CPXM2: variants seen among roughly 807,000 people sequenced by gnomAD.
CPXM2 encodes the protein inactive carboxypeptidase-like protein X2.
Under a neutral mutation model 86.1 loss-of-function variants are expected in CPXM2, and 66 were observed. The observed-to-expected ratio is 0.77, with a 90% CI of 0.63 to 0.94. The LOEUF is 0.94. Ranked by LOEUF, CPXM2 falls within the 40% of genes least tolerant of loss-of-function variation. The pLI, the probability that CPXM2 is intolerant of heterozygous loss-of-function variation, is 0.00. For synonymous variants in CPXM2, 388 were observed against 400.2 expected (o/e 0.97, Z 0.36); for missense variants, 948 against 1,026.3 (o/e 0.92, Z 1.04).
At chr10:123,854,468 T>C (rs1200861365) in intron 3 of CPXM2, among the ~76,000 whole-genome samples, 4 of 132,742 alleles carry the variant, frequency 3.0e-5, no homozygotes, top group Admixed American at 8.4e-5. Context: ...ATAATATATA[T>C]TTTATATATA....
intron 2 of CPXM2, among the ~76,000 whole-genome samples, chr10:123,915,371 A>C (rs1485441842): frequency 6.6e-6 from 1 of 152,158 alleles, no homozygotes; most frequent in East Asian, 1.9e-4. Context: ...CAGACTGGCC[A>C]ACATGGCGAA....
chr10:123,822,327 T>TC lies in CPXM2; in HGVS notation c.653+20021_653+20022insG, dbSNP rs1847943523. On this transcript the variant is annotated intron_variant, in intron 4 of 13. Transcript: ENST00000241305. ...ATAAGCCACTCTTTCTCTTCACCCT[T>TC]GCACCAAATACTTGTCAATACCAGG... 3.9e-5 allele frequency among the ~76,000 whole-genome samples: 6 copies of TC among 152,226 alleles called. No homozygotes were observed. In the South Asian group the frequency reaches 8.3e-4, roughly 21 times the overall value.
Position 123,762,029 on chromosome 10 carries a change from G to A in CPXM2, c.1620C>T (p.Thr540=). 6.2e-7 allele frequency: 1 copy of A among 1,613,902 alleles called. No individual in the cohort carries two copies. Among genetic ancestry groups the A allele is most frequent in the Non-Finnish European group, 8.5e-7 (1 of 1,179,898 alleles). Residue 540 remains threonine (T), a synonymous_variant, in exon 11 of 14, where the codon ACC becomes ACT. Coordinates refer to ENST00000241305, the MANE Select transcript of CPXM2 (RefSeq NM_198148.3). ...VRSPWKTQEH[T]PTPDDHVFRW... ...GGAACACGTGGTCGTCGGGGGTGGG[G>A]GTGTGTTCCTGCGTCTTCCAGGGGG...
intron 1 of CPXM2, among the ~76,000 whole-genome samples, chr10:123,939,924 A>C (rs922033190): frequency 6.6e-6 from 1 of 152,202 alleles, no homozygotes; most frequent in Non-Finnish European, 1.5e-5. Flanking sequence ...GCTAGCACGT[A>C]CTTCCTGTCC....
At chr10:123,881,245 T>TCCCCTCCCCTC (rs1945086621) in intron 1 of CPXM2, among the ~76,000 whole-genome samples, 6 of 51,534 alleles carry the variant, frequency 1.2e-4, no homozygotes, top group South Asian at 4.7e-4. Flanking sequence ...TCCCTTCCCT[T>TCCCCTCCCCTC]CCCTTCCCTT....
chr10:123,922,186 T>C (rs963743163), intron 2 of CPXM2, among the ~76,000 whole-genome samples: 3 of 152,124 alleles, frequency 2.0e-5, no homozygotes, highest in Non-Finnish European at 4.4e-5. Flanking sequence ...CAATCAAATA[T>C]GTCTCCAGAC....
chr10:123,790,354 G>A lies in CPXM2; in HGVS notation c.889+7622C>T, dbSNP rs56353445. On this transcript the variant is annotated intron_variant, in intron 6 of 13. Coordinates refer to ENST00000241305, the MANE Select transcript of CPXM2 (RefSeq NM_198148.3). ...GAAGACAGAGCAGGTGACCAGGGGT[G>A]ACTCAGGATGGAGCAGGTGACTAGG... Among the ~76,000 whole-genome samples the A allele has an allele frequency of 8.9e-3, 1,286 of 144,310 alleles. 86 individuals carry two copies. Among genetic ancestry groups the A allele is most frequent in the South Asian group, 0.027 (116 of 4,330 alleles). The allele number at this position is 144,310 out of a possible 152,430, so 94.7% of individuals were successfully genotyped here. A position where few individuals can be genotyped will look rare whatever the true frequency, so the allele number is the denominator to read the frequency against.
intron 4 of CPXM2, among the ~76,000 whole-genome samples, chr10:123,829,584 T>C (rs7089866): frequency 0.27 from 41,710 of 151,954 alleles, 7,750 homozygotes; most frequent in African/African-American, 0.53. Flanking sequence ...ATCTCAGATA[T>C]GCCAATTCTC....
intron 4 of CPXM2, among the ~76,000 whole-genome samples, chr10:123,827,379 C>T (rs1010613522): frequency 2.0e-5 from 3 of 152,160 alleles, no homozygotes; most frequent in East Asian, 1.9e-4. Context: ...AAAAGTAAAC[C>T]TTTACCATAC....
At chr10:123,760,682 G>C (rs1466295662) in intron 11 of CPXM2, among the ~76,000 whole-genome samples, 1 of 152,114 alleles carries the variant, frequency 6.6e-6, no homozygotes, top group Non-Finnish European at 1.5e-5. Context: ...CAGGGGATGG[G>C]AACTTATCAC....
rs1172009212 is a variant in CPXM2, at chr10:123,747,014, T to G, written c.2021A>C (p.Asn674Thr). 1 of 1,613,402 alleles carries G rather than the reference T, an allele frequency of 6.2e-7. No homozygotes were observed. Residue 674 changes from asparagine (N) to threonine (T), a missense_variant, in exon 14 of 14, where the codon AAC becomes ACC. Asn to Thr is a moderately conservative substitution (Grantham distance 65, BLOSUM62 0). Coordinates refer to ENST00000241305, the MANE Select transcript of CPXM2 (RefSeq NM_198148.3). ...CAGGAGGCGCCAGTAATCCCCATCG[T>G]TGGCTGTGAAAAAGAAAACCAGGGG... The part of the protein sequence containing the change: ...EGINHDIRTA[N>T]DGDYWRLLNP...
At chr10:123,911,478 G>A (rs1018402879) in intron 2 of CPXM2, among the ~76,000 whole-genome samples, 7 of 151,742 alleles carry the variant, frequency 4.6e-5, no homozygotes, top group Non-Finnish European at 7.4e-5. Flanking sequence ...GGCTGAATAC[G>A]ATTAGGTTGG....
rs146359820 is a variant in CPXM2, at chr10:123,759,105, T to A, written c.1778-1753A>T. On this transcript the variant is annotated intron_variant, in intron 11 of 13. Coordinates refer to ENST00000241305, the MANE Select transcript of CPXM2 (RefSeq NM_198148.3). Reference sequence around the variant, plus strand: ...GTGAGCGTGTTTGCAGTGAGAGCAGTGGAATAAAAAGGGTGGGACAGAGCC... The same window carrying A: ...GTGAGCGTGTTTGCAGTGAGAGCAGAGGAATAAAAAGGGTGGGACAGAGCC... Among the ~76,000 whole-genome samples the A allele has an allele frequency of 8.9e-4, 136 of 152,092 alleles. 1 individual carries two copies. In the East Asian group the frequency reaches 0.02, roughly 22 times the overall value.
upstream of CPXM2, among the ~76,000 whole-genome samples, chr10:123,940,473 C>T (rs76961499): frequency 0.031 from 4,787 of 152,280 alleles, 122 homozygotes; most frequent in Non-Finnish European, 0.049. Context: ...GGCAAGGGAG[C>T]GCCCAAGCCT....
chr10:123,876,393 G>A lies in CPXM2; in HGVS notation c.403+3818C>T, dbSNP rs75945839. Among the ~76,000 whole-genome samples the A allele has an allele frequency of 1.0e-3, 158 of 152,212 alleles. 3 individuals carry two copies. In the East Asian group the frequency reaches 0.026, roughly 25 times the overall value. ...CACAGGCTTTCAGAACCAAAGAACC[G>A]TGCACGGGAATCACTGTGATATGAG... On this transcript the variant is annotated intron_variant, in intron 2 of 13. Transcript: ENST00000241305.
intron 3 of CPXM2, among the ~76,000 whole-genome samples, chr10:123,853,812 C>T (rs912472731): frequency 4.6e-5 from 7 of 152,008 alleles, no homozygotes; most frequent in Admixed American, 3.9e-4. Flanking sequence ...GGCTGAGGTG[C>T]AAGAATCACT....
chr10:123,891,278 TG>T lies in CPXM2; in HGVS notation c.304+77del, dbSNP rs1345895910. On this transcript the variant is annotated intron_variant, in intron 1 of 13. Transcript: ENST00000241305. This position sits in a 1 kb window ranked among gnomAD's most constrained non-coding sequence, Gnocchi z 5.6. ...ACTGGCCCATCCCAGACACACACAA[TG>T]GGAGAAGCCAGTTGTCCCCTGGAGG... is the stretch of plus-strand genomic sequence containing the variant. The T allele has an allele frequency of 4.9e-6, 6 of 1,225,646 alleles. No homozygotes were observed. Among genetic ancestry groups the T allele is most frequent in the Non-Finnish European group, 6.7e-6 (6 of 901,378 alleles). The allele number at this position is 1,225,646 out of a possible 1,614,324, so 75.9% of individuals were successfully genotyped here.
intron 4 of CPXM2, among the ~76,000 whole-genome samples, chr10:123,809,317 AG>A (rs1255215528): frequency 6.6e-6 from 1 of 152,186 alleles, no homozygotes; most frequent in African/African-American, 2.4e-5. Context: ...AAGAAAAAAT[AG>A]GGTATGCTAA....
In CPXM2 at chr10:123,768,567, G is replaced by C; in HGVS notation, c.1258C>G (p.Pro420Ala). The part of the protein sequence containing the change: ...LVEETRIHVL[P>A]SLNPDGYEKA... ...TCGTAGCCATCGGGGTTGAGGGAGG[G>C]GAGGACGTGAATCCGCGTCTCCTCC... is the stretch of plus-strand genomic sequence containing the variant. Residue 420 changes from proline (P) to alanine (A), a missense_variant, in exon 9 of 14, where the codon CCC becomes GCC. Pro to Ala is a conservative substitution (Grantham distance 27, BLOSUM62 -1). Transcript: ENST00000241305. 6.2e-7 allele frequency: 1 copy of C among 1,613,928 alleles called. No individual in the cohort carries two copies. Among genetic ancestry groups the C allele is most frequent in the Non-Finnish European group, 8.5e-7 (1 of 1,179,896 alleles).
Sources: gnomAD v4.1 joint callset for allele counts (sites outside exome capture counted in the v4.1 genomes callset) on GRCh38, gnomAD v4.1.1 for gene constraint, Gnocchi (gnomAD v3.1) non-coding constraint, MANE v1.5 for transcripts, NCBI Gene and HGNC (gene_info 2026-07-23, HGNC 2026-07-21) for gene names.